VPS13B: variants seen among roughly 807,000 people sequenced by gnomAD.
The protein encoded by VPS13B is intermembrane lipid transfer protein VPS13B.
In VPS13B, 285 loss-of-function variants were observed where a neutral mutation model predicts 426.4. The observed-to-expected ratio is 0.67, with a 90% confidence interval of 0.61 to 0.74. The LOEUF is 0.74. Among genes scored for constraint, VPS13B ranks in the 30% least tolerant of loss-of-function variants. The pLI is 0.00. For missense variants in VPS13B, 4,537 were observed against 4,782.6 expected (o/e 0.95, Z 1.51); for synonymous variants, 1,676 against 1,676.4 (o/e 1.00, Z 0.01).
chr8:99,722,847 T>C (rs979908511), intron 39 of VPS13B, among the ~76,000 whole-genome samples: 2 of 152,216 alleles, frequency 1.3e-5, no homozygotes, highest in African/African-American at 4.8e-5. Flanking sequence ...ATGCAGAATA[T>C]CTGTAGATTT....
intron 17 of VPS13B, among the ~76,000 whole-genome samples, chr8:99,261,655 G>C (rs1818043770): frequency 6.6e-6 from 1 of 152,150 alleles, no homozygotes. Flanking sequence ...CTTGCAGAGT[G>C]ACTGTAGCCA....
chr8:99,395,134 A>G (rs1814657213), intron 21 of VPS13B, among the ~76,000 whole-genome samples: 1 of 152,238 alleles, frequency 6.6e-6, no homozygotes, highest in African/African-American at 2.4e-5. Context: ...GTTTCTGAAT[A>G]CAGGGCAGAA....
intron 19 of VPS13B, among the ~76,000 whole-genome samples, chr8:99,303,823 C>G (rs910335379): frequency 3.3e-5 from 5 of 150,724 alleles, no homozygotes; most frequent in African/African-American, 1.2e-4. Context: ...TGGCTCAGTG[C>G]CTGGCAAAAC....
chr8:99,730,522 G>C (rs1273008312), intron 39 of VPS13B, among the ~76,000 whole-genome samples: 1 of 151,906 alleles, frequency 6.6e-6, no homozygotes, highest in Non-Finnish European at 1.5e-5. Flanking sequence ...TGTTGTAAAA[G>C]TATGAAAAAA....
At chr8:99,763,135 CAA>C (rs750289763) in intron 39 of VPS13B, among the ~76,000 whole-genome samples, 20 of 35,832 alleles carry the variant, frequency 5.6e-4, no homozygotes, top group African/African-American at 2.2e-3. Flanking sequence ...GACCTTGTCT[CAA>C]AAAAAAAAAA....
intron 33 of VPS13B, among the ~76,000 whole-genome samples, chr8:99,629,530 G>T (rs973607872): frequency 6.6e-6 from 1 of 152,146 alleles, no homozygotes; most frequent in Non-Finnish European, 1.5e-5. Context: ...AGCAGTTATT[G>T]TGGGCTCATA....
At chr8:99,200,797 T>C (rs983442077) in intron 17 of VPS13B, among the ~76,000 whole-genome samples, 3 of 152,196 alleles carry the variant, frequency 2.0e-5, no homozygotes, top group South Asian at 2.1e-4. Context: ...AAGTTTCTTA[T>C]CAGATATGAT....
Position 99,165,619 on chromosome 8 carries a change from T to G in VPS13B, c.2209-4420T>G, listed in dbSNP as rs145266738. ...TTGGATTCTTTGGATCTGTTAATTT[T>G]TTACCTCAAGAAAATCCCAGGGGAT... On this transcript the variant is annotated intron_variant, in intron 15 of 61. Transcript: ENST00000357162. 3.4e-3 allele frequency among the ~76,000 whole-genome samples: 524 copies of G among 152,332 alleles called. 2 individuals carry two copies. Among genetic ancestry groups the G allele is most frequent in the African/African-American group, 0.012 (502 of 41,578 alleles).
chr8:99,557,589 G>T (rs1042844698), intron 31 of VPS13B, among the ~76,000 whole-genome samples: 1 of 152,040 alleles, frequency 6.6e-6, no homozygotes, highest in Non-Finnish European at 1.5e-5. Context: ...ATTGCGAATT[G>T]TGCTGCTATT....
chr8:99,769,283 G>C (rs530003211), intron 40 of VPS13B, among the ~76,000 whole-genome samples: 1 of 152,244 alleles, frequency 6.6e-6, no homozygotes, highest in Admixed American at 6.5e-5. Context: ...AGAAGAGCTG[G>C]TTTAAAAGTC....
intron 17 of VPS13B, among the ~76,000 whole-genome samples, chr8:99,227,750 T>A (rs553257094): frequency 2.1e-4 from 32 of 152,246 alleles, no homozygotes; most frequent in African/African-American, 7.2e-4. Context: ...TAGTAGATGG[T>A]TATACTATTT....
At chr8:99,079,997 TATC>T (rs1845356037) in intron 3 of VPS13B, among the ~76,000 whole-genome samples, 1 of 150,346 alleles carries the variant, frequency 6.7e-6, no homozygotes, top group African/African-American at 2.5e-5. Flanking sequence ...CTTAATAATG[TATC>T]ATATTATAAT....
chr8:99,638,005 T>C (rs1323093063), intron 33 of VPS13B, among the ~76,000 whole-genome samples: 5 of 152,170 alleles, frequency 3.3e-5, no homozygotes, highest in Non-Finnish European at 1.5e-5. Flanking sequence ...GCTTAAGTAC[T>C]TGATTTCATC....
intron 2 of VPS13B, among the ~76,000 whole-genome samples, chr8:99,023,839 T>C (rs945318697): frequency 3.3e-5 from 5 of 152,232 alleles, no homozygotes; most frequent in Non-Finnish European, 5.9e-5. Flanking sequence ...TGATTCCATA[T>C]CCTTGTATTG....
intron 23 of VPS13B, among the ~76,000 whole-genome samples, chr8:99,452,120 G>A (rs1486506031): frequency 1.3e-5 from 2 of 152,054 alleles, no homozygotes; most frequent in African/African-American, 4.8e-5. Context: ...TGTATTTTCT[G>A]CTACACTCCC....
At chr8:99,154,036 G>T (rs1811218106) in intron 14 of VPS13B, among the ~76,000 whole-genome samples, 1 of 151,562 alleles carries the variant, frequency 6.6e-6, no homozygotes, top group Non-Finnish European at 1.5e-5. Context: ...GTGGAGGTCA[G>T]GTATAATTCA....
At chr8:99,530,763 A>G (rs1446728198) in intron 30 of VPS13B, among the ~76,000 whole-genome samples, 5 of 152,136 alleles carry the variant, frequency 3.3e-5, no homozygotes, top group Non-Finnish European at 7.3e-5. Flanking sequence ...TAATCTCATG[A>G]GTCAGGTATT....
At chr8:99,575,433 G>C (rs1301034225) in intron 31 of VPS13B, among the ~76,000 whole-genome samples, 1 of 152,126 alleles carries the variant, frequency 6.6e-6, no homozygotes, top group East Asian at 1.9e-4. Context: ...ATACTAATAT[G>C]AAATTGCTTA....
At chr8:99,260,983 G>A (rs1818011145) in intron 17 of VPS13B, among the ~76,000 whole-genome samples, 1 of 151,614 alleles carries the variant, frequency 6.6e-6, no homozygotes, top group East Asian at 1.9e-4. Context: ...GCAGTTTTAG[G>A]TTCACAGTAC....
Sources: gnomAD v4.1 joint callset for allele counts (sites outside exome capture counted in the v4.1 genomes callset) on GRCh38, gnomAD v4.1.1 for gene constraint, MANE v1.5 for transcripts, NCBI Gene and HGNC (gene_info 2026-07-23, HGNC 2026-07-21) for gene names.